Variants in GRIK1 observed in about 807,000 individuals in gnomAD.
GRIK1 encodes glutamate receptor ionotropic, kainate 1.
In GRIK1, 69 loss-of-function variants were observed where a neutral mutation model predicts 105.7. The observed-to-expected ratio is 0.65, with a 90% CI of 0.54 to 0.80. The LOEUF (loss-of-function observed/expected upper bound fraction) is 0.80. GRIK1 is among the 30% of genes least tolerant of loss of function. The pLI is 0.00. For missense variants in GRIK1, 1,109 were observed against 1,167.3 expected, an observed-to-expected ratio of 0.95 and a Z score of 0.73; for synonymous variants, 438 against 431.3, an observed-to-expected ratio of 1.02 and a Z score of -0.19.
At chr21:29,572,010 G>A (rs2090761436) in intron 14 of GRIK1, among the ~76,000 whole-genome samples, 1 of 152,122 alleles carries the variant, frequency 6.6e-6, no homozygotes, top group African/African-American at 2.4e-5. Flanking sequence ...AGAGGTTATT[G>A]TCTTTAACTG....
At chr21:29,590,968 TACAA>T (rs1209374634) in intron 10 of GRIK1, 140 bp downstream of exon 10, 8 of 670,394 alleles carry the variant, frequency 1.2e-5, no homozygotes, top group Non-Finnish European at 2.2e-5. Context: ...TGTAAGTATG[TACAA>T]ACACAGGCTT....
At chr21:29,886,748 T>C (rs2069644367) in intron 1 of GRIK1, among the ~76,000 whole-genome samples, 1 of 152,198 alleles carries the variant, frequency 6.6e-6, no homozygotes, top group Non-Finnish European at 1.5e-5. Context: ...AATAGAACTC[T>C]AGGCAAATTT....
chr21:29,813,969 C>T (rs1192160250), intron 1 of GRIK1, among the ~76,000 whole-genome samples: 1 of 144,314 alleles, frequency 6.9e-6, no homozygotes, highest in Non-Finnish European at 1.5e-5. Flanking sequence ...GGCTGGAGTG[C>T]AGTGGCATGA....
intron 9 of GRIK1, among the ~76,000 whole-genome samples, chr21:29,591,840 G>C (rs2061338232): frequency 6.6e-6 from 1 of 152,010 alleles, no homozygotes; most frequent in Non-Finnish European, 1.5e-5. Context: ...CTTGAGACCA[G>C]GTGTTCAAGG....
chr21:29,541,573 G>GTTTTTTTTTTTTTTTTTTTTTTTTT (rs1202014711), intron 16 of GRIK1, among the ~76,000 whole-genome samples: 4 of 83,718 alleles, frequency 4.8e-5, no homozygotes, highest in African/African-American at 2.9e-4. Context: ...TGCACTCACG[G>GTTTTTTTTTTTTTTTTTTTTTTTTT]TCTTTTTTTT....
intron 1 of GRIK1, among the ~76,000 whole-genome samples, chr21:29,778,354 A>T (rs562186572): frequency 6.6e-6 from 1 of 152,368 alleles, no homozygotes; most frequent in Admixed American, 6.5e-5. Flanking sequence ...TTTGCAAAAT[A>T]AAATTAAGAT....
intron 1 of GRIK1, among the ~76,000 whole-genome samples, chr21:29,826,711 C>T (rs1355586423): frequency 6.6e-6 from 1 of 151,816 alleles, no homozygotes; most frequent in African/African-American, 2.4e-5. Flanking sequence ...AATATATATA[C>T]ACATATGAAT....
At chr21:29,619,350 T>C (rs532161981) in intron 7 of GRIK1, among the ~76,000 whole-genome samples, 1 of 145,156 alleles carries the variant, frequency 6.9e-6, no homozygotes, top group Non-Finnish European at 1.5e-5. Flanking sequence ...GGCAGGAGAA[T>C]TGCTTGAACC....
chr21:29,748,505 C>T (rs1601593119), intron 1 of GRIK1, among the ~76,000 whole-genome samples: 1 of 152,268 alleles, frequency 6.6e-6, no homozygotes, highest in East Asian at 1.9e-4. Context: ...CTTTTATTTC[C>T]ACAAATTTGG....
chr21:29,880,767 C>T (rs1369274027), intron 1 of GRIK1, among the ~76,000 whole-genome samples: 1 of 152,140 alleles, frequency 6.6e-6, no homozygotes, highest in Non-Finnish European at 1.5e-5. Flanking sequence ...CAGGCTCTTT[C>T]TGCTCAGGGA....
chr21:29,866,418 A>G (rs1427492626), intron 1 of GRIK1, among the ~76,000 whole-genome samples: 2 of 152,166 alleles, frequency 1.3e-5, no homozygotes, highest in African/African-American at 4.8e-5. Context: ...TAAAGGAAGC[A>G]CATGAAACTG....
intron 1 of GRIK1, among the ~76,000 whole-genome samples, chr21:29,798,845 C>T (rs1324359685): frequency 1.3e-5 from 2 of 152,028 alleles, no homozygotes; most frequent in East Asian, 1.9e-4. Context: ...CTATATAGTC[C>T]GAAGACATCA....
intron 1 of GRIK1, among the ~76,000 whole-genome samples, chr21:29,732,352 T>C (rs114195332): frequency 2.6e-4 from 39 of 152,288 alleles, no homozygotes; most frequent in African/African-American, 9.1e-4. Flanking sequence ...GCACACATTA[T>C]CCACCTTCCA....
At chr21:29,887,561 A>C (rs559539111) in intron 1 of GRIK1, among the ~76,000 whole-genome samples, 67 of 152,264 alleles carry the variant, frequency 4.4e-4, no homozygotes, top group Non-Finnish European at 8.4e-4. Context: ...TGATAACAAC[A>C]TACATAACCA....
chr21:29,568,919 T>G (rs907544535), intron 14 of GRIK1, among the ~76,000 whole-genome samples: 1 of 152,236 alleles, frequency 6.6e-6, no homozygotes, highest in Non-Finnish European at 1.5e-5. Flanking sequence ...TGAATTAAAC[T>G]GAATTGCCTC....
In GRIK1 at chr21:29,581,497, A is replaced by G. The variant is rs748289530; in HGVS notation, c.1840T>C (p.Ser614Pro). The change falls in exon 13 of 18, where the codon TCA (serine) becomes CCA (proline). Residue 614 changes from serine (S) to proline (P), a missense_variant. Physicochemically the swap from Ser to Pro is moderately conservative, Grantham distance 74 (BLOSUM62 -1). Around this residue, in one of 5 missense-constraint regions of GRIK1, gnomAD observed 264 missense variants for 306.9 expected, o/e 0.86. Transcript: ENST00000327783. ...WYNPHPCNPDSDVVENNFTLL... is the reference protein window; with the variant it reads ...WYNPHPCNPDPDVVENNFTLL... ...GTAAAATTGTTTTCCACCACGTCTG[A>G]GTCAGGGTTGCATGGGTGGGGGTTA... 11 of 1,613,130 alleles carry G rather than the reference A, an allele frequency of 6.8e-6. No homozygotes were observed. In the South Asian group the frequency reaches 1.1e-4, roughly 16 times the overall value.
intron 1 of GRIK1, among the ~76,000 whole-genome samples, chr21:29,794,187 G>T (rs2066496712): frequency 6.6e-6 from 1 of 151,930 alleles, no homozygotes; most frequent in Admixed American, 6.5e-5. Flanking sequence ...TAATATTCCA[G>T]ACATTTCATA....
intron 7 of GRIK1, among the ~76,000 whole-genome samples, chr21:29,600,703 A>G (rs1195950507): frequency 6.6e-6 from 1 of 152,220 alleles, no homozygotes; most frequent in African/African-American, 2.4e-5. Context: ...GAATATCTGC[A>G]GTGTAACTTC....
rs964217693 is a variant in GRIK1, at chr21:29,939,615, C to G, written c.-115G>C. 4 of 631,628 alleles carry G rather than the reference C, an allele frequency of 6.3e-6. No individual in the cohort carries two copies. The Admixed American group carries it at 1.3e-4, about 21-fold the overall frequency. The allele number at this position is 631,628 out of a possible 1,614,324, so 39.1% of individuals were successfully genotyped here. A position where few individuals can be genotyped will look rare whatever the true frequency, so the allele number is the denominator to read the frequency against. ...TCTCTGGATGCTCCGGTTCCAAGCA[C>G]GCTGCGCGCTCCCCACGGAGCGAGC... On this transcript the variant is annotated 5_prime_UTR_variant, in exon 1 of 18. Transcript: ENST00000327783.
Sources: allele counts gnomAD v4.1 joint callset (sites outside exome capture counted in the v4.1 genomes callset), GRCh38; gene constraint gnomAD v4.1.1; regional missense constraint gnomAD v4.1.1; transcripts MANE v1.5; gene names NCBI Gene and HGNC (gene_info 2026-07-23, HGNC 2026-07-21).